PMFBP1: variants seen among roughly 807,000 people sequenced by gnomAD.
PMFBP1 encodes polyamine modulated factor 1 binding protein 1, also known as polyamine-modulated factor 1-binding protein 1.
A neutral mutation model predicts 137.8 loss-of-function variants in PMFBP1; 131 were observed. The ratio of observed to expected loss-of-function variants is 0.95; its 90% CI spans 0.82 to 1.10. The LOEUF is 1.10. PMFBP1 is among the 50% of genes least tolerant of loss of function. The probability of loss-of-function intolerance (pLI) is 0.00; values close to 1 mark genes in which losing one functional copy is unlikely to be tolerated. For missense variants in PMFBP1, 1,199 were observed against 1,175.4 expected (o/e 1.02, Z -0.29); for synonymous variants, 490 against 450.4 (o/e 1.09, Z -1.11).
chr16:72,136,536 T>A lies in PMFBP1; in HGVS notation c.1115A>T (p.Asp372Val), dbSNP rs766550189. Reference protein sequence around the residue: ...EETSAHIERKDKDITILQCRL... With the variant: ...EETSAHIERKVKDITILQCRL... ...GCACTGCAGGATGGTGATGTCCTTA[T>A]CCTTCCTCTCAATGTGGGCAGATGT... is the stretch of plus-strand genomic sequence containing the variant. Residue 372 changes from aspartate to valine, a missense_variant, in exon 9 of 21, where the codon GAT (aspartate) becomes GTT (valine). Physicochemically the swap from Asp to Val is radical, Grantham distance 152 (BLOSUM62 -3). Coordinates refer to ENST00000237353, the MANE Select transcript of PMFBP1 (RefSeq NM_031293.3). 16 of 1,613,952 alleles carry A rather than the reference T, an allele frequency of 9.9e-6. No individual in the cohort carries two copies. In the South Asian group the frequency reaches 1.8e-4, roughly 18 times the overall value.
the PMFBP1 span, among the ~76,000 whole-genome samples, chr16:72,223,886 T>C: frequency 6.6e-6 from 1 of 152,116 alleles, no homozygotes; most frequent in South Asian, 2.1e-4. Flanking sequence ...TTCTTAAAGG[T>C]TCCTATCTAT....
chr16:72,218,845 A>G, the PMFBP1 span, among the ~76,000 whole-genome samples: 3 of 152,134 alleles, frequency 2.0e-5, no homozygotes, highest in Admixed American at 1.3e-4. Flanking sequence ...GTTGCATGCA[A>G]TTGTTCTATG....
upstream of PMFBP1, among the ~76,000 whole-genome samples, chr16:72,176,216 G>A (rs1181436385): frequency 6.6e-6 from 1 of 152,198 alleles, no homozygotes; most frequent in African/African-American, 2.4e-5. Flanking sequence ...TCTCCAGAAA[G>A]AGGCTTTTGA....
At position 72,147,540 on chromosome 16, in the gene PMFBP1, A is replaced by G. The variant is rs939008468; in HGVS notation, c.636+3068T>C. On this transcript the variant is annotated intron_variant, in intron 5 of 20. Coordinates refer to ENST00000237353, the MANE Select transcript of PMFBP1 (RefSeq NM_031293.3). Reference sequence around the variant, plus strand: ...TAGACAAATGGGATCTCATTAAACTAAAGAGCTTCTGCACAGCAAAAGAAA... The same window carrying G: ...TAGACAAATGGGATCTCATTAAACTGAAGAGCTTCTGCACAGCAAAAGAAA... Among the ~76,000 whole-genome samples the G allele has an allele frequency of 2.0e-5, 3 of 152,230 alleles. No individual in the cohort carries two copies. In the East Asian group the frequency reaches 5.8e-4, roughly 29 times the overall value.
chr16:72,149,694 G>C (rs143070771), intron 5 of PMFBP1, among the ~76,000 whole-genome samples: 2 of 152,040 alleles, frequency 1.3e-5, no homozygotes, highest in Non-Finnish European at 2.9e-5. Flanking sequence ...ATGGTGGCGC[G>C]TGACTGTAGT....
chr16:72,159,636 C>T (rs569295804), intron 3 of PMFBP1, among the ~76,000 whole-genome samples: 4 of 152,240 alleles, frequency 2.6e-5, no homozygotes, highest in South Asian at 4.1e-4. Flanking sequence ...TGGAGAAATG[C>T]CTAGACTTAT....
At chr16:72,123,512 C>T (rs780014509) in intron 18 of PMFBP1, 34 bp downstream of exon 18, 17 of 1,600,050 alleles carry the variant, frequency 1.1e-5, no homozygotes, top group East Asian at 2.2e-5. Context: ...GTCCAGGCCT[C>T]GGACCCTGCC....
chr16:72,238,450 T>C, the PMFBP1 span, among the ~76,000 whole-genome samples: 2 of 152,238 alleles, frequency 1.3e-5, no homozygotes, highest in Non-Finnish European at 1.5e-5. Flanking sequence ...TATGCATGTA[T>C]GCCTTCTTTT....
the PMFBP1 span, among the ~76,000 whole-genome samples, chr16:72,185,532 T>C: frequency 6.6e-6 from 1 of 152,140 alleles, no homozygotes. Flanking sequence ...CTACAAAGCC[T>C]TCTCTGAATC....
chr16:72,247,016 C>T, the PMFBP1 span, among the ~76,000 whole-genome samples: 150 of 152,242 alleles, frequency 9.9e-4, no homozygotes, highest in African/African-American at 3.4e-3. Flanking sequence ...ATGGGGCAGG[C>T]GACGATGAAA....
the PMFBP1 span, among the ~76,000 whole-genome samples, chr16:72,224,099 C>CA: frequency 6.6e-6 from 1 of 152,168 alleles, no homozygotes; most frequent in Non-Finnish European, 1.5e-5. Flanking sequence ...CAACCTATTT[C>CA]AAAAATTTGT....
intron 6 of PMFBP1, 139 bp from the exon 7 acceptor site, chr16:72,139,538 T>G: frequency 2.8e-6 from 2 of 709,570 alleles, no homozygotes; most frequent in Non-Finnish European, 4.9e-6. Flanking sequence ...CCCTGTGGGG[T>G]AGGTAGGGAG....
At chr16:72,191,980 T>C in the PMFBP1 span, among the ~76,000 whole-genome samples, 1 of 152,208 alleles carries the variant, frequency 6.6e-6, no homozygotes, top group Non-Finnish European at 1.5e-5. Context: ...ATACATAAGC[T>C]ATGAAGCAGA....
chr16:72,183,434 C>T, the PMFBP1 span, among the ~76,000 whole-genome samples: 4 of 152,144 alleles, frequency 2.6e-5, no homozygotes, highest in Non-Finnish European at 4.4e-5. Flanking sequence ...TTGCTGGCCA[C>T]CTTTGGTGCT....
chr16:72,164,637 T>A (rs1035857061), intron 3 of PMFBP1, 127 bp downstream of exon 3: 1 of 1,309,074 alleles, frequency 7.6e-7, no homozygotes, highest in Non-Finnish European at 1.1e-6. Flanking sequence ...CTCTTAATTC[T>A]CTCTCATTGC....
intron 2 of PMFBP1, among the ~76,000 whole-genome samples, chr16:72,168,442 A>G (rs1217527336): frequency 2.0e-5 from 3 of 152,230 alleles, no homozygotes; most frequent in Non-Finnish European, 4.4e-5. Context: ...AACTATTTAT[A>G]ATCCTATCTA....
At chr16:72,236,016 C>T in the PMFBP1 span, among the ~76,000 whole-genome samples, 1 of 152,086 alleles carries the variant, frequency 6.6e-6, no homozygotes, top group East Asian at 1.9e-4. Context: ...CACTAGATCT[C>T]CAATACAAGG....
the PMFBP1 span, among the ~76,000 whole-genome samples, chr16:72,217,362 A>G: frequency 1.3e-5 from 2 of 152,192 alleles, no homozygotes; most frequent in Non-Finnish European, 2.9e-5. Context: ...TGATTCTCTC[A>G]GAATGCTTTT....
intron 19 of PMFBP1, 106 bp from the exon 20 acceptor site, chr16:72,120,195 C>A: frequency 6.4e-7 from 1 of 1,558,162 alleles, no homozygotes; most frequent in South Asian, 1.2e-5. Flanking sequence ...AGCACAGATG[C>A]CCAGGTCTGT....
Sources: allele counts gnomAD v4.1 joint callset (sites outside exome capture counted in the v4.1 genomes callset), GRCh38; gene constraint gnomAD v4.1.1; transcripts MANE v1.5; gene names NCBI Gene and HGNC (gene_info 2026-07-23, HGNC 2026-07-21).